SETD3: variants seen among roughly 807,000 people sequenced by gnomAD.
SETD3 encodes the protein SET domain containing 3, actin N3(tau)-histidine methyltransferase.
A neutral mutation model predicts 63.0 loss-of-function variants in SETD3; 19 were observed. That is an observed-to-expected ratio of 0.30 (90% CI 0.21 to 0.44). SETD3 has a LOEUF of 0.44. Ranked by LOEUF, SETD3 falls within the 20% of genes least tolerant of loss-of-function variation. SETD3 has a pLI of 1.00. For synonymous variants in SETD3, 286 were observed against 264.1 expected (o/e 1.08, Z -0.80); for missense variants, 587 against 728.5 (o/e 0.81, Z 2.24).
intron 6 of SETD3, among the ~76,000 whole-genome samples, chr14:99,417,004 T>C (rs142894911): frequency 6.6e-6 from 1 of 152,342 alleles, no homozygotes; most frequent in East Asian, 1.9e-4. Flanking sequence ...AAATTGTTTG[T>C]TCGGCTTCAA....
chr14:99,461,090 A>G, intron 4 of SETD3, 102 bp downstream of exon 4: 14 of 1,391,372 alleles, frequency 1.0e-5, no homozygotes, highest in Non-Finnish European at 1.4e-5. Flanking sequence ...GCTCAGAACT[A>G]GAACTCCCCC....
intron 12 of SETD3, among the ~76,000 whole-genome samples, chr14:99,399,621 G>C (rs1419196426): frequency 6.6e-6 from 1 of 151,846 alleles, no homozygotes; most frequent in East Asian, 1.9e-4. Context: ...TCTTAAAAAT[G>C]TATCTTCTAA....
intron 11 of SETD3, among the ~76,000 whole-genome samples, chr14:99,404,008 G>A (rs775594901): frequency 6.6e-5 from 10 of 152,252 alleles, no homozygotes; most frequent in Middle Eastern, 3.4e-3. Flanking sequence ...AATTATTTGC[G>A]TATTACAAAT....
intron 8 of SETD3, among the ~76,000 whole-genome samples, chr14:99,407,764 C>T (rs1385098492): frequency 6.6e-6 from 1 of 152,118 alleles, no homozygotes. Flanking sequence ...AGTCCTTATG[C>T]GCTCCAGCCC....
intron 6 of SETD3, among the ~76,000 whole-genome samples, chr14:99,421,032 T>C (rs1474773963): frequency 1.6e-5 from 2 of 125,726 alleles, no homozygotes. Context: ...ATCTTTCGTT[T>C]CTTTGCCTTT....
intron 6 of SETD3, among the ~76,000 whole-genome samples, chr14:99,440,738 A>T (rs1445343187): frequency 6.6e-6 from 1 of 151,862 alleles, no homozygotes; most frequent in Admixed American, 6.6e-5. Context: ...ACTGGGTGAA[A>T]AAAAAAAAAG....
At chr14:99,480,522 GC>G (rs1233239938) in intron 1 of SETD3, among the ~76,000 whole-genome samples, 2 of 150,674 alleles carry the variant, frequency 1.3e-5, no homozygotes, top group African/African-American at 2.4e-5. Context: ...ACCCCGCCGG[GC>G]CCTCCTCGCC....
chr14:99,446,856 C>T (rs549410246), intron 6 of SETD3, among the ~76,000 whole-genome samples: 1 of 152,194 alleles, frequency 6.6e-6, no homozygotes, highest in South Asian at 2.1e-4. Flanking sequence ...TCAAACCCGC[C>T]TCAGGGGGAC....
intron 8 of SETD3, chr14:99,410,325 G>C: frequency 7.0e-7 from 1 of 1,430,990 alleles, no homozygotes; most frequent in Non-Finnish European, 9.6e-7. Flanking sequence ...GGGCTTTTGA[G>C]ACTGTAAGAC....
chr14:99,435,877 C>A (rs1019789322), intron 6 of SETD3, among the ~76,000 whole-genome samples: 2 of 152,016 alleles, frequency 1.3e-5, no homozygotes, highest in African/African-American at 4.8e-5. Flanking sequence ...TCGGTCTTTC[C>A]ACCTGTATTA....
In SETD3 at chr14:99,413,022, T is replaced by C. The variant is rs1456954708; in HGVS notation, c.778A>G (p.Thr260Ala). 6.2e-7 allele frequency: 1 copy of C among 1,613,904 alleles called. No individual in the cohort carries two copies. Among genetic ancestry groups the C allele is most frequent in the Non-Finnish European group, 8.5e-7 (1 of 1,179,942 alleles). ...AGGGTCACGCGGGAACCATCCTCTG[T>C]GGGAATTTGGTTTTGCCTCGTCATA... is the stretch of plus-strand genomic sequence containing the variant. ...SVMTRQNQIP[T>A]EDGSRVTLAL... is the part of the protein sequence containing the mutation. The change falls in exon 8 of 13, where the codon ACA becomes GCA. Residue 260 changes from threonine (T) to alanine (A), a missense_variant. By Grantham distance (58) the Thr-to-Ala change is moderately conservative. Transcript: ENST00000331768.
intron 6 of SETD3, among the ~76,000 whole-genome samples, chr14:99,416,931 G>A (rs1396715542): frequency 6.6e-6 from 1 of 152,140 alleles, no homozygotes; most frequent in Non-Finnish European, 1.5e-5. Flanking sequence ...ATTCCATGTT[G>A]AGACACAGTA....
chr14:99,425,440 C>T (rs1892828656), intron 6 of SETD3, among the ~76,000 whole-genome samples: 1 of 152,260 alleles, frequency 6.6e-6, no homozygotes, highest in African/African-American at 2.4e-5. Flanking sequence ...TGGCATCTAG[C>T]CCTGCAAAGC....
Position 99,416,246 on chromosome 14 carries a change from C to A in SETD3, c.676-2312G>T, listed in dbSNP as rs547533469. On this transcript the variant is annotated intron_variant, in intron 6 of 12. Coordinates refer to ENST00000331768, the MANE Select transcript of SETD3 (RefSeq NM_032233.3). ...TGTATTAAAAACAAACAAAAAAAAACCTTTTTTCCCTGTTGAAGACCAAGT... is the reference window on the plus strand; with the variant it reads ...TGTATTAAAAACAAACAAAAAAAAAACTTTTTTCCCTGTTGAAGACCAAGT... Among the ~76,000 whole-genome samples the A allele has an allele frequency of 1.4e-4, 21 of 152,056 alleles. No homozygotes were observed. The South Asian group carries it at 2.3e-3, about 17-fold the overall frequency.
At chr14:99,418,764 T>A (rs189793172) in intron 6 of SETD3, among the ~76,000 whole-genome samples, 145 of 151,522 alleles carry the variant, frequency 9.6e-4, no homozygotes, top group African/African-American at 3.3e-3. Context: ...AGAGAGAGAG[T>A]AAGAAGATGG....
chr14:99,413,262 G>A, intron 7 of SETD3, 197 bp from the exon 8 acceptor site: 4 of 553,700 alleles, frequency 7.2e-6, no homozygotes, highest in South Asian at 4.3e-5. Context: ...AAATGCAGGA[G>A]TGAGTGTTTA....
chr14:99,470,059 A>T (rs542211399), intron 1 of SETD3, among the ~76,000 whole-genome samples: 1 of 152,074 alleles, frequency 6.6e-6, no homozygotes, highest in African/African-American at 2.4e-5. Flanking sequence ...GAACTGCCTC[A>T]CTCTATTTTA....
chr14:99,478,898 A>G (rs1251421116), intron 1 of SETD3: 2 of 152,252 alleles, frequency 1.3e-5, no homozygotes. Context: ...TTTTCTCATT[A>G]TCCAGTGGCT....
At chr14:99,443,254 CA>C (rs1566713819) in intron 6 of SETD3, among the ~76,000 whole-genome samples, 3 of 143,590 alleles carry the variant, frequency 2.1e-5, no homozygotes, top group African/African-American at 8.2e-5. Context: ...TCTGAACTCC[CA>C]TTTTTTTTTT....
Sources: allele counts gnomAD v4.1 joint callset (sites outside exome capture counted in the v4.1 genomes callset), GRCh38; gene constraint gnomAD v4.1.1; transcripts MANE v1.5; gene names NCBI Gene and HGNC (gene_info 2026-07-23, HGNC 2026-07-21).